Variants in PRDM14 observed in about 807,000 individuals in gnomAD.
PRDM14 encodes the protein PR/SET domain 14, also known as PR domain zinc finger protein 14.
A neutral mutation model predicts 48.0 loss-of-function variants in PRDM14; 16 were observed. That is an observed-to-expected ratio of 0.33 (90% CI 0.23 to 0.51). The LOEUF (loss-of-function observed/expected upper bound fraction) is 0.51, where lower values mean the gene tolerates loss of function less well. Ranked by LOEUF, PRDM14 falls within the 20% of genes least tolerant of loss-of-function variation. PRDM14 has a pLI of 0.97. For synonymous variants in PRDM14, 264 were observed against 276.6 expected (o/e 0.95, Z 0.45); for missense variants, 566 against 719.6 (o/e 0.79, Z 2.44).
At chr8:70,066,906 A>AT (rs1554551733) in intron 4 of PRDM14, among the ~76,000 whole-genome samples, 6 of 151,884 alleles carry the variant, frequency 4.0e-5, no homozygotes, top group Non-Finnish European at 7.4e-5. Flanking sequence ...TTTTAAAAAA[A>AT]TTTTTTGTAG....
chr8:70,066,599 C>A, intron 4 of PRDM14, 94 bp from the exon 5 acceptor site: 1 of 914,338 alleles, frequency 1.1e-6, no homozygotes. Context: ...AAATATCACA[C>A]TTGAGTCCAC....
intron 5 of PRDM14, among the ~76,000 whole-genome samples, chr8:70,065,317 T>C (rs1017706381): frequency 6.6e-6 from 1 of 152,138 alleles, no homozygotes; most frequent in African/African-American, 2.4e-5. Context: ...TTCTCTCTTA[T>C]TTACAGGAAT....
At chr8:70,052,934 A>G (rs915323083) in intron 7 of PRDM14, among the ~76,000 whole-genome samples, 2 of 149,402 alleles carry the variant, frequency 1.3e-5, no homozygotes, top group Admixed American at 6.8e-5. Context: ...CCTCACCTCT[A>G]CAAAAAGTAA....
chr8:70,056,653 A>G (rs1305543119), intron 6 of PRDM14, among the ~76,000 whole-genome samples: 6 of 151,286 alleles, frequency 4.0e-5, no homozygotes, highest in South Asian at 2.1e-4. Context: ...TCTCTACAAA[A>G]AATACAAAAA....
chr8:70,063,795 T>C (rs553459613), intron 5 of PRDM14, among the ~76,000 whole-genome samples: 2 of 152,272 alleles, frequency 1.3e-5, no homozygotes, highest in Admixed American at 1.3e-4. Flanking sequence ...AGTGTTGGGG[T>C]TACAGGTGTG....
chr8:70,059,512 C>T (rs964513833), intron 5 of PRDM14, among the ~76,000 whole-genome samples: 2 of 150,836 alleles, frequency 1.3e-5, no homozygotes, highest in African/African-American at 4.9e-5. Flanking sequence ...TCTTGTGATC[C>T]ACCTGCCTCG....
chr8:70,057,235 G>C (rs920530426), intron 6 of PRDM14, among the ~76,000 whole-genome samples: 4 of 152,016 alleles, frequency 2.6e-5, no homozygotes, highest in African/African-American at 9.7e-5. Flanking sequence ...AAAGTACTGG[G>C]ATTAGGCGTG....
chr8:70,051,917 A>G lies in PRDM14; in HGVS notation c.*160T>C. ...CTCCTGAGTGGCTGGAACCACAGGC[A>G]TGTGCCACCACCCCCAGCTGATTTT... On this transcript the variant is annotated 3_prime_UTR_variant, in exon 8 of 8. Transcript: ENST00000276594. The G allele has an allele frequency of 3.5e-6, 2 of 565,144 alleles. No homozygotes were observed. The highest frequency in any genetic ancestry group is 6.3e-6 in the Non-Finnish European group (2 of 319,694). The allele number at this position is 565,144 out of a possible 1,614,324, so 35.0% of individuals were successfully genotyped here. A position where few individuals can be genotyped will look rare whatever the true frequency, so the allele number is the denominator to read the frequency against.
At chr8:70,063,988 C>T (rs1805626226) in intron 5 of PRDM14, among the ~76,000 whole-genome samples, 1 of 152,102 alleles carries the variant, frequency 6.6e-6, no homozygotes, top group South Asian at 2.1e-4. Context: ...CCACACCACC[C>T]ACCAAAACAC....
Position 70,051,766 on chromosome 8 carries a change from AT to A in PRDM14, c.*310del. The A allele has an allele frequency of 3.9e-5, 4 of 103,518 alleles. No individual in the cohort carries two copies. Among genetic ancestry groups the A allele is most frequent in the Non-Finnish European group, 6.2e-5 (4 of 64,678 alleles). 6.4% of individuals were successfully genotyped at this position (103,518 alleles called of 1,614,324 possible). A position where few individuals can be genotyped will look rare whatever the true frequency, so the allele number is the denominator to read the frequency against. The stretch of plus-strand genomic sequence containing the variant: ...GTCTCCACACTCTTGAGGGCTACTC[AT>A]TTTTTTTGTTTTGTTTTGTTTTGAG... On this transcript the variant is annotated 3_prime_UTR_variant, in exon 8 of 8. Coordinates refer to ENST00000276594, the MANE Select transcript of PRDM14 (RefSeq NM_024504.4).
intron 5 of PRDM14, among the ~76,000 whole-genome samples, chr8:70,064,016 T>G (rs1805626809): frequency 1.3e-5 from 2 of 151,918 alleles, no homozygotes; most frequent in African/African-American, 4.8e-5. Context: ...CCCAGGCATT[T>G]CAGAAAAAGG....
chr8:70,063,061 A>T (rs1805612033), intron 5 of PRDM14, among the ~76,000 whole-genome samples: 1 of 152,190 alleles, frequency 6.6e-6, no homozygotes, highest in Non-Finnish European at 1.5e-5. Context: ...CTATTTCTCG[A>T]TAATAGATTT....
intron 4 of PRDM14, among the ~76,000 whole-genome samples, chr8:70,066,769 A>G: frequency 6.6e-6 from 1 of 152,162 alleles, no homozygotes; most frequent in South Asian, 2.1e-4. Flanking sequence ...TCTGTTGCCC[A>G]GACTGGAGTG....
rs138721059 is a variant in PRDM14, at chr8:70,057,279, G to A, written c.1386+1361C>T. Among the ~76,000 whole-genome samples the A allele has an allele frequency of 2.0e-5, 3 of 148,558 alleles. No individual in the cohort carries two copies. The East Asian group carries it at 5.9e-4, about 29-fold the overall frequency. On this transcript the variant is annotated intron_variant, in intron 6 of 7. Transcript: ENST00000276594. ...CTCCCGGCCTCCAATTTCAAAGAGA[G>A]CAAGCATTCTATACATCTTCTGTAA...
In PRDM14 at chr8:70,058,691, G is replaced by T; in HGVS notation, c.1335C>A (p.Asp445Glu). Residue 445 changes from aspartate (D) to glutamate (E), a missense_variant, in exon 6 of 8, where the codon GAC becomes GAA. Transcript: ENST00000276594. Reference sequence around the variant, plus strand: ...CATGAAGAATGTGGATCCGAAGCCGGTCCCGCTTCTCAAAGGATCGTTTGC... The same window carrying T: ...CATGAAGAATGTGGATCCGAAGCCGTTCCCGCTTCTCAAAGGATCGTTTGC... ...SLCKRSFEKR[D>E]RLRIHILHVH... 1 of 1,614,132 alleles carries T rather than the reference G, an allele frequency of 6.2e-7. No individual in the cohort carries two copies. Among genetic ancestry groups the T allele is most frequent in the Non-Finnish European group, 8.5e-7 (1 of 1,180,012 alleles).
intron 6 of PRDM14, among the ~76,000 whole-genome samples, chr8:70,058,172 C>A (rs1012275678): frequency 2.0e-5 from 3 of 152,150 alleles, no homozygotes; most frequent in Admixed American, 6.5e-5. Flanking sequence ...TTGGAAGGAC[C>A]GTGCCTTCAC....
chr8:70,054,778 CA>C (rs1805445315), intron 7 of PRDM14, among the ~76,000 whole-genome samples: 1 of 151,766 alleles, frequency 6.6e-6, no homozygotes, highest in Non-Finnish European at 1.5e-5. Context: ...CTCAGCCTCC[CA>C]AAGTGCTGGG....
At chr8:70,059,651 A>G (rs1805543324) in intron 5 of PRDM14, among the ~76,000 whole-genome samples, 1 of 152,192 alleles carries the variant, frequency 6.6e-6, no homozygotes, top group Non-Finnish European at 1.5e-5. Context: ...ATAAACCCTC[A>G]TGTGCCAAAC....
chr8:70,055,941 C>T lies in PRDM14; in HGVS notation c.1387-540G>A, dbSNP rs967550815. Among the ~76,000 whole-genome samples, 14 of 152,304 alleles carry T rather than the reference C, an allele frequency of 9.2e-5. No homozygotes were observed. The South Asian group carries it at 2.3e-3, about 25-fold the overall frequency. ...TTGGTTAAATCTGGAATCTTAGTTT[C>T]CCGATCTTGCTCATGGGCAAAATAC... On this transcript the variant is annotated intron_variant, in intron 6 of 7. Transcript: ENST00000276594.
Sources: gnomAD v4.1 joint callset for allele counts (sites outside exome capture counted in the v4.1 genomes callset) on GRCh38, gnomAD v4.1.1 for gene constraint, MANE v1.5 for transcripts, NCBI Gene and HGNC (gene_info 2026-07-23, HGNC 2026-07-21) for gene names.